The following THUMPD2 variants were observed in gnomAD, a reference collection of about 807,000 sequenced individuals.
THUMPD2 encodes the protein U6 snRNA (guanine-N(2))-methyltransferase THUMPD2.
In THUMPD2, 56 loss-of-function variants were observed where a neutral mutation model predicts 49.4. The ratio of observed to expected loss-of-function variants is 1.13; its 90% CI spans 0.91 to 1.41. The LOEUF is 1.41. Among genes scored for constraint, THUMPD2 ranks in the 40% most tolerant of loss-of-function variants. THUMPD2 has a pLI of 0.00. For synonymous variants in THUMPD2, 237 were observed against 205.2 expected (o/e 1.15, Z -1.32); for missense variants, 709 against 594.5 (o/e 1.19, Z -2.00).
intron 4 of THUMPD2, among the ~76,000 whole-genome samples, chr2:39,767,603 C>CAAAAAAAAAAAAAAAAAA (rs57906396): frequency 1.5e-4 from 10 of 67,822 alleles, no homozygotes; most frequent in African/African-American, 7.7e-4. Context: ...GACTCCGTCT[C>CAAAAAAAAAAAAAAAAAA]AAAAAAAAAA....
In THUMPD2 at chr2:39,769,780, T is replaced by G; in HGVS notation, c.602A>C (p.Asn201Thr). The G allele has an allele frequency of 1.2e-6, 2 of 1,602,184 alleles. No individual in the cohort carries two copies. The highest frequency in any genetic ancestry group is 1.7e-6 in the Non-Finnish European group (2 of 1,177,050). ...TACTCTGAAAGTCAAGTCATTCTGATTATGAGTATCAATTGCTTTCTCTAT... is the reference window on the plus strand; with the variant it reads ...TACTCTGAAAGTCAAGTCATTCTGAGTATGAGTATCAATTGCTTTCTCTAT... Reference protein sequence around the residue: ...NDIEKAIDTHNQNDLTFRVSC... With the variant: ...NDIEKAIDTHTQNDLTFRVSC... The change falls in exon 3 of 10, where the codon AAT becomes ACT. Residue 201 changes from asparagine to threonine, a missense_variant. Asn to Thr is a moderately conservative substitution (Grantham distance 65, BLOSUM62 0). Transcript: ENST00000505747.
chr2:39,775,992 A>T (rs911481685), intron 1 of THUMPD2, among the ~76,000 whole-genome samples: 1 of 152,162 alleles, frequency 6.6e-6, no homozygotes, highest in African/African-American at 2.4e-5. Context: ...TGAGTTTATA[A>T]AGATCAATGA....
At chr2:39,746,626 T>G (rs1391054243) in intron 8 of THUMPD2, among the ~76,000 whole-genome samples, 1 of 152,092 alleles carries the variant, frequency 6.6e-6, no homozygotes, top group Non-Finnish European at 1.5e-5. Context: ...GCAGGATGAT[T>G]CAAGAACATG....
intron 8 of THUMPD2, 55 bp from the exon 9 acceptor site, chr2:39,744,533 T>A: frequency 1.7e-6 from 2 of 1,143,100 alleles, no homozygotes; most frequent in Non-Finnish European, 2.5e-6. Flanking sequence ...ATTTACAACT[T>A]AAATAATGAG....
intron 8 of THUMPD2, among the ~76,000 whole-genome samples, chr2:39,752,325 C>A (rs1278362077): frequency 6.6e-6 from 1 of 152,078 alleles, no homozygotes; most frequent in Non-Finnish European, 1.5e-5. Flanking sequence ...GAAGGCCATA[C>A]AGTGAAAAAA....
intron 8 of THUMPD2, among the ~76,000 whole-genome samples, chr2:39,745,320 T>A (rs1160232227): frequency 1.3e-5 from 2 of 152,200 alleles, no homozygotes; most frequent in African/African-American, 4.8e-5. Flanking sequence ...CTTTGTAATC[T>A]CGGAAAGTCT....
At chr2:39,769,669 C>T in intron 3 of THUMPD2, 41 bp downstream of exon 3, 1 of 1,467,062 alleles carries the variant, frequency 6.8e-7, no homozygotes, top group Non-Finnish European at 9.0e-7. Flanking sequence ...CAACTGCATT[C>T]CAGCCTGGGC....
chr2:39,770,144 C>T (rs1374569999), intron 2 of THUMPD2, 25 bp from the exon 3 acceptor site: 1 of 1,433,554 alleles, frequency 7.0e-7, no homozygotes, highest in African/African-American at 1.5e-5. Context: ...TCTTGTTGAT[C>T]CTCTATTGAA....
intron 9 of THUMPD2, among the ~76,000 whole-genome samples, chr2:39,740,273 T>C (rs369319363): frequency 3.9e-5 from 6 of 152,216 alleles, no homozygotes; most frequent in East Asian, 3.8e-4. Flanking sequence ...TAAGCACTGG[T>C]TGCATAATGG....
intron 8 of THUMPD2, among the ~76,000 whole-genome samples, chr2:39,754,674 A>G (rs995098702): frequency 6.6e-6 from 1 of 152,204 alleles, no homozygotes; most frequent in African/African-American, 2.4e-5. Flanking sequence ...TCAGGAAAAT[A>G]TTATTTTGAT....
chr2:39,767,145 T>C (rs1677630940), intron 4 of THUMPD2, among the ~76,000 whole-genome samples: 1 of 151,994 alleles, frequency 6.6e-6, no homozygotes, highest in African/African-American at 2.4e-5. Context: ...CAATTTTGTG[T>C]TAATTATTTG....
chr2:39,738,511 C>G (rs1022219731), intron 9 of THUMPD2, among the ~76,000 whole-genome samples: 1 of 151,826 alleles, frequency 6.6e-6, no homozygotes, highest in East Asian at 1.9e-4. Flanking sequence ...TTGCAGTGAG[C>G]TGAGATTGCA....
At chr2:39,752,746 A>C (rs182460856) in intron 8 of THUMPD2, among the ~76,000 whole-genome samples, 2 of 152,354 alleles carry the variant, frequency 1.3e-5, no homozygotes, top group East Asian at 3.9e-4. Flanking sequence ...GAAAAAGTTT[A>C]TCTCAGTAGT....
At position 39,755,923 on chromosome 2, in the gene THUMPD2, C is replaced by A. The variant is rs750867435; in HGVS notation, c.929G>T (p.Gly310Val). 1.9e-6 allele frequency: 3 copies of A among 1,613,796 alleles called. No individual in the cohort carries two copies. The highest frequency in any genetic ancestry group is 2.5e-6 in the Non-Finnish European group (3 of 1,179,876). Residue 310 changes from glycine (G) to valine (V), a missense_variant, in exon 7 of 10, where the codon GGA (glycine) becomes GTA (valine). Coordinates refer to ENST00000505747, the MANE Select transcript of THUMPD2 (RefSeq NM_025264.5). ...TTTAGCAGCTTCCAAAAGTATTGTT[C>A]CAAGTCCACACATTGGATCTAAAAC... ...AFVLDPMCGL[G>V]TILLEAAKEW...
At position 39,748,695 on chromosome 2, in the gene THUMPD2, A is replaced by C. The variant is rs185409011; in HGVS notation, c.1079-4217T>G. Among the ~76,000 whole-genome samples the C allele has an allele frequency of 1.9e-3, 284 of 152,134 alleles. 2 individuals carry two copies. The highest frequency in any genetic ancestry group is 6.4e-3 in the African/African-American group (265 of 41,496). On this transcript the variant is annotated intron_variant, in intron 8 of 9. Coordinates refer to ENST00000505747, the MANE Select transcript of THUMPD2 (RefSeq NM_025264.5). ...GAGTGAGAGTCTGTCTCAAAAAAAAACAAAAAAAGTGGCCAGGTATGGGGT... is the reference window on the plus strand; with the variant it reads ...GAGTGAGAGTCTGTCTCAAAAAAAACCAAAAAAAGTGGCCAGGTATGGGGT...
chr2:39,736,964 G>A lies in THUMPD2; in HGVS notation c.1283C>T (p.Ser428Phe), dbSNP rs1293533604. Residue 428 changes from serine (S) to phenylalanine (F), a missense_variant, in exon 10 of 10, where the codon TCC (serine) becomes TTC (phenylalanine). Physicochemically the swap from Ser to Phe is radical, Grantham distance 155. Coordinates refer to ENST00000505747, the MANE Select transcript of THUMPD2 (RefSeq NM_025264.5). ...DCKESNIPFN[S>F]KDSHTDEPGI... is the part of the protein sequence containing the mutation. Reference sequence around the variant, plus strand: ...AGGTTCATCTGTGTGACTGTCCTTGGAATTGAAAGGGATGTTGCTCTCTTT... The same window carrying A: ...AGGTTCATCTGTGTGACTGTCCTTGAAATTGAAAGGGATGTTGCTCTCTTT... 1 of 1,613,868 alleles carries A rather than the reference G, an allele frequency of 6.2e-7. No individual in the cohort carries two copies. The highest frequency in any genetic ancestry group is 8.5e-7 in the Non-Finnish European group (1 of 1,179,980).
rs1677957298 is a variant in THUMPD2 at position 39,769,155 on chromosome 2, G to C, written c.672+555C>G. 3 of 1,187,888 alleles carry C rather than the reference G, an allele frequency of 2.5e-6. No homozygotes were observed. The Admixed American group carries it at 7.8e-5, about 31-fold the overall frequency. The allele number at this position is 1,187,888 out of a possible 1,614,324, so 73.6% of individuals were successfully genotyped here. On this transcript the variant is annotated intron_variant, in intron 3 of 9. Transcript: ENST00000505747. Reference sequence around the variant, plus strand: ...ACTGAAGAGAAACCCCAAAAGCTGAGGACTATGGTATCAGGATTTCCAAAT... The same window carrying C: ...ACTGAAGAGAAACCCCAAAAGCTGACGACTATGGTATCAGGATTTCCAAAT...
intron 9 of THUMPD2, 99 bp downstream of exon 9, chr2:39,744,271 T>C: frequency 1.7e-6 from 1 of 598,008 alleles, no homozygotes; most frequent in Non-Finnish European, 2.8e-6. Context: ...CTCTGGGAAA[T>C]TGCTAAAAAG....
At chr2:39,768,097 T>C (rs1477277179) in intron 4 of THUMPD2, among the ~76,000 whole-genome samples, 1 of 152,180 alleles carries the variant, frequency 6.6e-6, no homozygotes, top group South Asian at 2.1e-4. Flanking sequence ...TTAGCTAAAA[T>C]TTTTAAAATC....
Sources: gnomAD v4.1 joint callset for allele counts (sites outside exome capture counted in the v4.1 genomes callset) on GRCh38, gnomAD v4.1.1 for gene constraint, MANE v1.5 for transcripts, NCBI Gene and HGNC (gene_info 2026-07-23, HGNC 2026-07-21) for gene names.